SLC11A2: variants seen among roughly 807,000 people sequenced by gnomAD.
SLC11A2 encodes solute carrier family 11 member 2.
Under a neutral mutation model 68.0 loss-of-function variants are expected in SLC11A2, and 38 were observed. The observed-to-expected ratio is 0.56, with a 90% CI of 0.43 to 0.73. The LOEUF (loss-of-function observed/expected upper bound fraction) is 0.73, where lower values mean the gene tolerates loss of function less well. Among genes scored for constraint, SLC11A2 ranks in the 30% least tolerant of loss-of-function variants. The pLI, the probability that SLC11A2 is intolerant of heterozygous loss-of-function variation, is 0.00. For synonymous variants in SLC11A2, 242 were observed against 250.6 expected, an observed-to-expected ratio of 0.97 and a Z score of 0.32; for missense variants, 517 against 690.5, an observed-to-expected ratio of 0.75 and a Z score of 2.82.
intron 4 of SLC11A2, 59 bp downstream of exon 4, chr12:51,005,251 GA>G: frequency 1.9e-6 from 3 of 1,583,420 alleles, no homozygotes; most frequent in Non-Finnish European, 2.6e-6. Context: ...GCAGGGTGGA[GA>G]AAAGGATGTG....
downstream of SLC11A2, among the ~76,000 whole-genome samples, chr12:50,982,033 C>T (rs553764993): frequency 6.6e-6 from 1 of 152,208 alleles, no homozygotes; most frequent in Admixed American, 6.5e-5. Context: ...TACCAAATGT[C>T]CTTAGCAAAA....
At chr12:51,003,019 CA>C (rs900824021) in intron 5 of SLC11A2, among the ~76,000 whole-genome samples, 5 of 151,782 alleles carry the variant, frequency 3.3e-5, no homozygotes, top group Admixed American at 3.3e-4. Context: ...GGGCAGATCA[CA>C]AGGTCAGGAG....
chr12:50,988,062 C>A lies in SLC11A2; in HGVS notation c.*263G>T. ...ATAAACTGAGCTGGCCCTTGGGCAA[C>A]TACTTAAGAATTTAGTGTTGGAATG... On this transcript the variant is annotated 3_prime_UTR_variant, in exon 16 of 16. Transcript: ENST00000262052. 7.1e-7 allele frequency: 1 copy of A among 1,412,330 alleles called. No individual in the cohort carries two copies. The highest frequency in any genetic ancestry group is 9.3e-7 in the Non-Finnish European group (1 of 1,069,998). 87.5% of individuals were successfully genotyped at this position (1,412,330 alleles called of 1,614,324 possible). A position where few individuals can be genotyped will look rare whatever the true frequency, so the allele number is the denominator to read the frequency against.
In SLC11A2 at chr12:50,992,877, A is replaced by G; in HGVS notation, c.1130T>C (p.Val377Ala). 1 of 1,614,064 alleles carries G rather than the reference A, an allele frequency of 6.2e-7. No homozygotes were observed. The highest frequency in any genetic ancestry group is 2.2e-5 in the East Asian group (1 of 44,876). The change falls in exon 12 of 16, where the codon GTG (valine) becomes GCG (alanine). Residue 377 changes from valine to alanine, a missense_variant. Val to Ala is a moderately conservative substitution (Grantham distance 64, BLOSUM62 0). Coordinates refer to ENST00000262052, the MANE Select transcript of SLC11A2 (RefSeq NM_000617.3). ...GCTCTGTCCTGCAGCCAGGATCCCC[A>G]CTGCCCAAATGTAGAGTGCAGCAGG... ...FGPAALYIWA[V>A]GILAAGQSST...
chr12:50,981,575 T>C, downstream of SLC11A2: 1 of 636,764 alleles, frequency 1.6e-6, no homozygotes, highest in Non-Finnish European at 2.9e-6. Flanking sequence ...TAGCTGTCAG[T>C]TTTGAACACC....
At chr12:50,957,347 C>G in the SLC11A2 span, among the ~76,000 whole-genome samples, 2 of 151,310 alleles carry the variant, frequency 1.3e-5, no homozygotes, top group East Asian at 2.0e-4. Flanking sequence ...AGTAAGCATG[C>G]GCCACCACAC....
In SLC11A2 at chr12:50,996,499, C is replaced by T. The variant is rs530301794; in HGVS notation, c.831+318G>A. 3.3e-5 allele frequency among the ~76,000 whole-genome samples: 5 copies of T among 151,554 alleles called. No homozygotes were observed. In the East Asian group the frequency reaches 9.7e-4, roughly 29 times the overall value. On this transcript the variant is annotated intron_variant, in intron 9 of 15. Transcript: ENST00000262052. ...CTGAGGCACGAGAATCACTTGAACC[C>T]GGGAGGGAGAGGTTTGCAGTGAGTA...
Position 50,987,938 on chromosome 12 carries a change from A to G in SLC11A2, c.*387T>C. ...TTTGATAAATAAAACTTGCATACTC[A>G]TTCTGTAGTTTGTATAATAAAAAAT... On this transcript the variant is annotated 3_prime_UTR_variant, in exon 16 of 16. Coordinates refer to ENST00000262052, the MANE Select transcript of SLC11A2 (RefSeq NM_000617.3). 1 of 1,282,504 alleles carries G rather than the reference A, an allele frequency of 7.8e-7. No individual in the cohort carries two copies. Among genetic ancestry groups the G allele is most frequent in the South Asian group, 1.2e-5 (1 of 80,060 alleles). 79.4% of individuals were successfully genotyped at this position (1,282,504 alleles called of 1,614,324 possible).
rs577960009 is a variant in SLC11A2 at position 51,004,802 on chromosome 12, G to A, written c.415C>T (p.Arg139Cys). ...TGLHLAEVCH[R>C]QYPKVPRVIL... ...ACATTGCTCACCTTGGGATACTGAC[G>A]GTGACATACTTCAGCAAGATGCAGC... The change falls in exon 5 of 16, where the codon CGT becomes TGT. Residue 139 changes from arginine to cysteine, a missense_variant. Arg to Cys is a radical substitution (Grantham distance 180). Transcript: ENST00000262052. The A allele has an allele frequency of 1.9e-5, 31 of 1,613,768 alleles. No homozygotes were observed. The highest frequency in any genetic ancestry group is 4.0e-5 in the African/African-American group (3 of 74,914).
downstream of SLC11A2, among the ~76,000 whole-genome samples, chr12:50,982,885 G>C (rs897565508): frequency 2.0e-5 from 3 of 149,440 alleles, no homozygotes; most frequent in Non-Finnish European, 4.4e-5. Flanking sequence ...AGGCTGCAGT[G>C]AGCTGAGATC....
At chr12:50,999,697 G>A (rs1942033178) in intron 6 of SLC11A2, 14 of 445,736 alleles carry the variant, frequency 3.1e-5, no homozygotes, top group South Asian at 3.0e-4. Context: ...GAATTTTATA[G>A]GATTAGATAG....
At chr12:50,962,525 C>G in the SLC11A2 span, among the ~76,000 whole-genome samples, 3 of 151,812 alleles carry the variant, frequency 2.0e-5, no homozygotes, top group East Asian at 5.8e-4. Context: ...CATGGTGAAA[C>G]CCTATCTCTA....
At chr12:51,007,688 TG>T (rs1942845253) in intron 3 of SLC11A2, among the ~76,000 whole-genome samples, 1 of 149,274 alleles carries the variant, frequency 6.7e-6, no homozygotes, top group African/African-American at 2.5e-5. Flanking sequence ...TTACCCAGAG[TG>T]GAGTACCATA....
At chr12:50,993,062 G>A (rs1941332050) in intron 11 of SLC11A2, 133 bp from the exon 12 acceptor site, 2 of 1,020,134 alleles carry the variant, frequency 2.0e-6, no homozygotes, top group African/African-American at 1.6e-5. Flanking sequence ...GCTGCGCACT[G>A]TGCCAGAAGC....
chr12:51,019,069 C>A (rs951016193), intron 1 of SLC11A2, among the ~76,000 whole-genome samples: 2 of 152,102 alleles, frequency 1.3e-5, no homozygotes, highest in African/African-American at 2.4e-5. Flanking sequence ...GAAATAAATG[C>A]TAGCAAGAAT....
chr12:50,958,646 C>G, the SLC11A2 span, among the ~76,000 whole-genome samples: 3 of 152,012 alleles, frequency 2.0e-5, no homozygotes, highest in Non-Finnish European at 2.9e-5. Context: ...TTAAGGCTTA[C>G]TATATTGCTA....
At chr12:50,992,624 C>T (rs2930982) in intron 12 of SLC11A2, among the ~76,000 whole-genome samples, 186 bp downstream of exon 12, 2 of 150,266 alleles carry the variant, frequency 1.3e-5, no homozygotes, top group Admixed American at 6.7e-5. Flanking sequence ...CCTAGCTACT[C>T]GGGAGGCTGA....
chr12:51,027,073 G>A (rs1394532805), upstream of SLC11A2, among the ~76,000 whole-genome samples: 3 of 152,122 alleles, frequency 2.0e-5, no homozygotes, highest in Non-Finnish European at 4.4e-5. Flanking sequence ...CTACTCGGGA[G>A]GCTGAGGCAA....
rs1174585206 is a variant in SLC11A2 at position 50,997,676 on chromosome 12, T to A, written c.676-704A>T. ...GCATAGGCAATAGTGTGAGACTCTGTCTCAAAAAAAAAAAAAAAAAAAAAA... is the reference window on the plus strand; with the variant it reads ...GCATAGGCAATAGTGTGAGACTCTGACTCAAAAAAAAAAAAAAAAAAAAAA... On this transcript the variant is annotated intron_variant, in intron 8 of 15. Transcript: ENST00000262052. Among the ~76,000 whole-genome samples, 3 of 33,096 alleles carry A rather than the reference T, an allele frequency of 9.1e-5. No individual in the cohort carries two copies. In the Admixed American group the frequency reaches 1.9e-3, roughly 20 times the overall value. The allele number at this position is 33,096 out of a possible 152,430, so 21.7% of individuals were successfully genotyped here. A position where few individuals can be genotyped will look rare whatever the true frequency, so the allele number is the denominator to read the frequency against.
Sources: allele counts gnomAD v4.1 joint callset (sites outside exome capture counted in the v4.1 genomes callset), GRCh38; gene constraint gnomAD v4.1.1; transcripts MANE v1.5; gene names NCBI Gene and HGNC (gene_info 2026-07-23, HGNC 2026-07-21).